Variants in PDCD1LG2 observed in about 807,000 individuals in gnomAD.
The protein encoded by PDCD1LG2 is programmed cell death 1 ligand 2, also known as B7 dendritic cell molecule.
A neutral mutation model predicts 28.2 loss-of-function variants in PDCD1LG2; 32 were observed. The observed-to-expected ratio is 1.13, with a 90% confidence interval of 0.86 to 1.52. PDCD1LG2 has a LOEUF of 1.52. Among genes scored for constraint, PDCD1LG2 ranks in the 40% most tolerant of loss-of-function variants. The probability of loss-of-function intolerance (pLI) is 0.00; values close to 1 mark genes in which losing one functional copy is unlikely to be tolerated. For synonymous variants in PDCD1LG2, 116 were observed against 120.2 expected, an observed-to-expected ratio of 0.97 and a Z score of 0.23; for missense variants, 385 against 323.8, an observed-to-expected ratio of 1.19 and a Z score of -1.45.
intron 2 of PDCD1LG2, among the ~76,000 whole-genome samples, chr9:5,523,773 C>A (rs16923201): frequency 6.6e-6 from 1 of 152,100 alleles, no homozygotes; most frequent in African/African-American, 2.4e-5. Flanking sequence ...ACACTGTTCC[C>A]CATCCTGTGG....
At chr9:5,544,679 A>C (rs1820757538) in intron 3 of PDCD1LG2, among the ~76,000 whole-genome samples, 1 of 152,182 alleles carries the variant, frequency 6.6e-6, no homozygotes, top group Non-Finnish European at 1.5e-5. Context: ...AGTTGACTAG[A>C]TCTATAACAG....
Position 5,523,585 on chromosome 9 carries a change from T to C in PDCD1LG2, c.55+984T>C, listed in dbSNP as rs1820317628. On this transcript the variant is annotated intron_variant, in intron 2 of 6. Transcript: ENST00000397747. ...TCCTCAAAGGAAGACCCTGAGATAT[T>C]CTGCTTACTTCTACTCTGCTCCTGC... Among the ~76,000 whole-genome samples, 3 of 152,200 alleles carry C rather than the reference T, an allele frequency of 2.0e-5. No homozygotes were observed. The South Asian group carries it at 6.2e-4, about 31-fold the overall frequency.
chr9:5,539,930 G>A (rs1024437080), intron 3 of PDCD1LG2, among the ~76,000 whole-genome samples: 5 of 152,096 alleles, frequency 3.3e-5, no homozygotes, highest in South Asian at 2.1e-4. Context: ...CCCAACAATC[G>A]CAGAATATAC....
intron 4 of PDCD1LG2, among the ~76,000 whole-genome samples, chr9:5,551,056 T>C (rs1816322027): frequency 6.6e-6 from 1 of 152,172 alleles, no homozygotes; most frequent in South Asian, 2.1e-4. Context: ...GTGATTGCAT[T>C]AGGTACTCCA....
chr9:5,519,201 A>C (rs1820227181), intron 1 of PDCD1LG2, among the ~76,000 whole-genome samples: 3 of 152,202 alleles, frequency 2.0e-5, no homozygotes, highest in Non-Finnish European at 4.4e-5. Context: ...TCTGGGGCAT[A>C]GGGGCTGTCC....
chr9:5,533,442 A>G (rs1820521362), intron 2 of PDCD1LG2, among the ~76,000 whole-genome samples: 1 of 152,226 alleles, frequency 6.6e-6, no homozygotes, highest in Non-Finnish European at 1.5e-5. Context: ...AATAGAGAAT[A>G]GGAAGAAAAA....
chr9:5,531,653 A>G (rs1820486414), intron 2 of PDCD1LG2, among the ~76,000 whole-genome samples: 1 of 152,182 alleles, frequency 6.6e-6, no homozygotes, highest in Non-Finnish European at 1.5e-5. Context: ...GGAGTTCCAG[A>G]GGAAGTTATA....
chr9:5,556,636 G>C (rs984246224), intron 4 of PDCD1LG2, among the ~76,000 whole-genome samples: 4 of 152,178 alleles, frequency 2.6e-5, no homozygotes, highest in Non-Finnish European at 5.9e-5. Context: ...TGGAGGTAGT[G>C]GGGTTTGAGG....
At chr9:5,543,219 AG>A (rs1820720749) in intron 3 of PDCD1LG2, among the ~76,000 whole-genome samples, 1 of 152,080 alleles carries the variant, frequency 6.6e-6, no homozygotes, top group African/African-American at 2.4e-5. Flanking sequence ...CTTAGGGGAA[AG>A]GATGGTTGGG....
chr9:5,545,273 G>A (rs140349189), intron 3 of PDCD1LG2, among the ~76,000 whole-genome samples: 1 of 152,254 alleles, frequency 6.6e-6, no homozygotes, highest in Non-Finnish European at 1.5e-5. Flanking sequence ...AAACTGCTCA[G>A]ATTCTGAACT....
chr9:5,532,939 G>C (rs1386554148), intron 2 of PDCD1LG2, among the ~76,000 whole-genome samples: 4 of 152,140 alleles, frequency 2.6e-5, no homozygotes, highest in Non-Finnish European at 5.9e-5. Flanking sequence ...AGATAAAGAG[G>C]CTGAAGCTCA....
intron 5 of PDCD1LG2, among the ~76,000 whole-genome samples, chr9:5,559,357 C>T (rs1013035720): frequency 6.6e-6 from 1 of 152,144 alleles, no homozygotes; most frequent in Non-Finnish European, 1.5e-5. Flanking sequence ...CCCTTGTCTC[C>T]AACTCACTTG....
At chr9:5,542,568 C>T (rs1820707076) in intron 3 of PDCD1LG2, among the ~76,000 whole-genome samples, 1 of 152,136 alleles carries the variant, frequency 6.6e-6, no homozygotes, top group South Asian at 2.1e-4. Flanking sequence ...CACAAATGAC[C>T]AACGAGCATA....
chr9:5,538,557 G>A (rs187899206), intron 3 of PDCD1LG2, among the ~76,000 whole-genome samples: 3 of 152,122 alleles, frequency 2.0e-5, no homozygotes, highest in Admixed American at 6.5e-5. Context: ...GCGCGGTGGC[G>A]GGCGCCTGTA....
chr9:5,537,205 C>A (rs1022330081), intron 3 of PDCD1LG2, among the ~76,000 whole-genome samples: 1 of 152,150 alleles, frequency 6.6e-6, no homozygotes, highest in Non-Finnish European at 1.5e-5. Context: ...TGCTTCCATT[C>A]CCATTGATTT....
intron 5 of PDCD1LG2, among the ~76,000 whole-genome samples, chr9:5,560,196 C>A (rs1344193592): frequency 6.6e-6 from 1 of 152,172 alleles, no homozygotes; most frequent in African/African-American, 2.4e-5. Flanking sequence ...TAAATTGCAT[C>A]CCTTTTAATT....
At position 5,571,055 on chromosome 9, in the gene PDCD1LG2, T is replaced by C. The variant is rs187516413; in HGVS notation, c.*1096T>C. 3.0e-5 allele frequency: 7 copies of C among 232,504 alleles called. No individual in the cohort carries two copies. Among genetic ancestry groups the C allele is most frequent in the Non-Finnish European group, 6.0e-5 (7 of 117,562 alleles). The allele number at this position is 232,504 out of a possible 1,614,324, so 14.4% of individuals were successfully genotyped here. ...AGAGCATTAGCTGACCCTTGAACTATTCAAATGGGCACATTAGCTAGTATA... is the reference window on the plus strand; with the variant it reads ...AGAGCATTAGCTGACCCTTGAACTACTCAAATGGGCACATTAGCTAGTATA... On this transcript the variant is annotated 3_prime_UTR_variant, in exon 7 of 7. Coordinates refer to ENST00000397747, the MANE Select transcript of PDCD1LG2 (RefSeq NM_025239.4).
chr9:5,530,694 T>A (rs1004728158), intron 2 of PDCD1LG2, among the ~76,000 whole-genome samples: 1 of 152,220 alleles, frequency 6.6e-6, no homozygotes, highest in Non-Finnish European at 1.5e-5. Context: ...TAGCAACATC[T>A]ACCTCGCAGA....
At chr9:5,534,685 G>C (rs918197782) in intron 2 of PDCD1LG2, 60 bp from the exon 3 acceptor site, 5 of 1,480,060 alleles carry the variant, frequency 3.4e-6, no homozygotes, top group Non-Finnish European at 3.7e-6. Flanking sequence ...GTTACACTTC[G>C]TAAGAACTGG....
Sources: allele counts gnomAD v4.1 joint callset (sites outside exome capture counted in the v4.1 genomes callset), GRCh38; gene constraint gnomAD v4.1.1; transcripts MANE v1.5; gene names NCBI Gene and HGNC (gene_info 2026-07-23, HGNC 2026-07-21).